The following SYTL5 variants were observed in gnomAD, a reference collection of about 807,000 sequenced individuals.
The protein encoded by SYTL5 is synaptotagmin-like protein 5.
SYTL5 carries 34 observed loss-of-function variants against 55.9 expected under a neutral mutation model. The observed-to-expected ratio is 0.61, with a 90% CI of 0.46 to 0.81. The LOEUF is 0.81. SYTL5 is among the 30% of genes least tolerant of loss of function. The probability of loss-of-function intolerance (pLI) is 0.00; values close to 1 mark genes in which losing one functional copy is unlikely to be tolerated. For synonymous variants in SYTL5, 221 were observed against 188.7 expected (o/e 1.17, Z -1.40); for missense variants, 637 against 546.7 (o/e 1.17, Z -1.65).
At chrX:37,890,283 T>C in the SYTL5 span, among the ~76,000 whole-genome samples, 1 of 111,393 alleles carries the variant, frequency 9.0e-6, no homozygotes, top group Non-Finnish European at 1.9e-5. Flanking sequence ...CCAGGACCCA[T>C]TTAGATTAAG....
intron 2 of SYTL5, among the ~76,000 whole-genome samples, chrX:38,036,081 G>A (rs1935098289): frequency 9.0e-6 from 1 of 110,514 alleles, no homozygotes; most frequent in Admixed American, 9.6e-5. Context: ...TGAGGAGGGT[G>A]GACCACCTGA....
At chrX:37,902,879 A>G in the SYTL5 span, among the ~76,000 whole-genome samples, 1 of 112,057 alleles carries the variant, frequency 8.9e-6, no homozygotes, top group African/African-American at 3.3e-5. Flanking sequence ...TGCCTTAATA[A>G]TGATGCCATT....
At chrX:38,048,129 T>C (rs1203711067) in intron 2 of SYTL5, among the ~76,000 whole-genome samples, 3 of 109,583 alleles carry the variant, frequency 2.7e-5, no homozygotes, top group African/African-American at 1.0e-4. Context: ...GAGCTTGCAG[T>C]GAGCTGAGAT....
At chrX:38,067,185 G>C (rs2147372581) in intron 3 of SYTL5, among the ~76,000 whole-genome samples, 1 of 111,553 alleles carries the variant, frequency 9.0e-6, no homozygotes, top group South Asian at 3.8e-4. Context: ...TTCTCCAAGG[G>C]TAGCAAGAGG....
the SYTL5 span, among the ~76,000 whole-genome samples, chrX:37,979,971 C>T: frequency 9.1e-6 from 1 of 109,802 alleles, no homozygotes; most frequent in Admixed American, 9.7e-5. Context: ...CCCTACCCCA[C>T]GACAGGCCCC....
intron 1 of SYTL5, among the ~76,000 whole-genome samples, chrX:38,020,918 C>T (rs1378541783): frequency 1.8e-5 from 2 of 111,701 alleles, no homozygotes; most frequent in Non-Finnish European, 3.8e-5. Context: ...GATGCAAAGA[C>T]AAAGTAGCAC....
intron 9 of SYTL5, among the ~76,000 whole-genome samples, chrX:38,098,562 C>T (rs191842000): frequency 1.0e-4 from 11 of 110,364 alleles, no homozygotes; most frequent in Admixed American, 3.8e-4. Flanking sequence ...GATGAGGATG[C>T]GGAGAAATTG....
chrX:38,046,043 A>T (rs768575754), intron 2 of SYTL5, among the ~76,000 whole-genome samples: 17 of 111,585 alleles, frequency 1.5e-4, no homozygotes, highest in South Asian at 7.7e-4. Flanking sequence ...GAGCAAAAAT[A>T]TTTTAATATA....
chrX:38,081,061 C>A (rs1250400178), intron 6 of SYTL5, among the ~76,000 whole-genome samples: 1 of 112,346 alleles, frequency 8.9e-6, no homozygotes, highest in Admixed American at 9.4e-5. Flanking sequence ...CTATAATGAT[C>A]GTTCGGTGAC....
chrX:38,121,067 G>T (rs189368189), intron 14 of SYTL5, among the ~76,000 whole-genome samples: 1 of 111,629 alleles, frequency 9.0e-6, no homozygotes, highest in Admixed American at 9.5e-5. Flanking sequence ...ATGGCAGAAG[G>T]TGAAGGTGGA....
At chrX:37,892,647 T>G in the SYTL5 span, among the ~76,000 whole-genome samples, 1 of 92,123 alleles carries the variant, frequency 1.1e-5, no homozygotes, top group African/African-American at 4.2e-5. Context: ...TATATGTATA[T>G]ATTAGTATAT....
chrX:38,023,230 C>G (rs1177987630), intron 1 of SYTL5, among the ~76,000 whole-genome samples: 2 of 112,133 alleles, frequency 1.8e-5, no homozygotes, highest in Non-Finnish European at 3.8e-5. Flanking sequence ...CCAGCACATT[C>G]TCCATCTTCC....
intron 2 of SYTL5, among the ~76,000 whole-genome samples, chrX:38,039,015 G>A (rs924460297): frequency 7.2e-5 from 8 of 111,748 alleles, no homozygotes; most frequent in Non-Finnish European, 1.5e-4. Flanking sequence ...ATTAAGGTGG[G>A]ACTGGTCTTT....
chrX:38,110,247 A>G (rs1937324852), intron 12 of SYTL5, 74 bp from the exon 13 acceptor site: 1 of 768,467 alleles, frequency 1.3e-6, no homozygotes, highest in African/African-American at 2.1e-5. Flanking sequence ...AGATGTTGGA[A>G]GTAAATTTCG....
At chrX:37,904,273 G>T in the SYTL5 span, among the ~76,000 whole-genome samples, 3 of 104,562 alleles carry the variant, frequency 2.9e-5, no homozygotes, top group Non-Finnish European at 5.9e-5. Flanking sequence ...TCCGGGGGGG[G>T]GGGTGATATT....
At chrX:38,092,844 C>A (rs1317234116) in intron 7 of SYTL5, among the ~76,000 whole-genome samples, 1 of 111,845 alleles carries the variant, frequency 8.9e-6, no homozygotes, top group African/African-American at 3.3e-5. Flanking sequence ...TATGATGCAA[C>A]CTATTAATTT....
the SYTL5 span, among the ~76,000 whole-genome samples, chrX:37,962,307 A>G: frequency 9.1e-6 from 1 of 109,468 alleles, no homozygotes; most frequent in Non-Finnish European, 1.9e-5. Flanking sequence ...CCTACCTATG[A>G]GTGAGAACAT....
At chrX:37,913,443 C>A in the SYTL5 span, among the ~76,000 whole-genome samples, 1 of 112,749 alleles carries the variant, frequency 8.9e-6, no homozygotes, top group Non-Finnish European at 1.9e-5. Context: ...ACTGCACAGC[C>A]TTATAGCCTA....
At chrX:38,030,410 T>G (rs1007616058) in intron 1 of SYTL5, among the ~76,000 whole-genome samples, 2 of 112,034 alleles carry the variant, frequency 1.8e-5, no homozygotes, top group Non-Finnish European at 3.8e-5. Flanking sequence ...CTCCTCTGTT[T>G]TTCCCAAGGA....
Sources: allele counts gnomAD v4.1 joint callset (sites outside exome capture counted in the v4.1 genomes callset), GRCh38; gene constraint gnomAD v4.1.1; transcripts MANE v1.5; gene names NCBI Gene and HGNC (gene_info 2026-07-23, HGNC 2026-07-21).